The following JADE3 variants were observed in gnomAD, a reference collection of about 807,000 sequenced individuals.
JADE3 encodes protein Jade-3.
Under a neutral mutation model 50.1 loss-of-function variants are expected in JADE3, and 2 were observed. The ratio of observed to expected loss-of-function variants is 0.04; its 90% CI spans 0.02 to 0.13. JADE3 has a LOEUF of 0.13. Among genes scored for constraint, JADE3 ranks in the 10% least tolerant of loss-of-function variants. The probability of loss-of-function intolerance (pLI) is 1.00; values close to 1 mark genes in which losing one functional copy is unlikely to be tolerated. For missense variants in JADE3, 475 were observed against 634.4 expected, an observed-to-expected ratio of 0.75 and a Z score of 2.70; for synonymous variants, 218 against 232.9, an observed-to-expected ratio of 0.94 and a Z score of 0.58.
At chrX:46,971,694 G>A (rs1927498718) in intron 1 of JADE3, among the ~76,000 whole-genome samples, 2 of 108,082 alleles carry the variant, frequency 1.9e-5, no homozygotes, top group South Asian at 4.3e-4. Context: ...TACTTGGGAG[G>A]CTGAGGCAGG....
chrX:46,976,957 T>A (rs1927640242), intron 1 of JADE3, among the ~76,000 whole-genome samples: 1 of 111,992 alleles, frequency 8.9e-6, no homozygotes. Context: ...CTGCTGTGAC[T>A]TTGAGATCTG....
intron 1 of JADE3, among the ~76,000 whole-genome samples, chrX:46,921,078 C>CT (rs1556337650): frequency 9.0e-6 from 1 of 111,006 alleles, no homozygotes; most frequent in African/African-American, 3.3e-5. Flanking sequence ...CCACGTCTGG[C>CT]TTTTTTTGCT....
chrX:47,038,378 A>G (rs782787937), intron 7 of JADE3, among the ~76,000 whole-genome samples: 15 of 111,066 alleles, frequency 1.4e-4, no homozygotes, highest in African/African-American at 3.3e-4. Flanking sequence ...CCTCCAAACT[A>G]TTCTCCATAG....
chrX:47,007,807 TTGTGTGTGTGTGTGTGTGTGTGTGTG>T (rs782728907), intron 4 of JADE3, among the ~76,000 whole-genome samples: 1 of 70,834 alleles, frequency 1.4e-5, no homozygotes, highest in Admixed American at 1.9e-4. Flanking sequence ...TCCTTTTATT[TTGTGTGTGTGTGTGTGTGTGTGTGTG>T]TGTGTGTGTG....
intron 8 of JADE3, among the ~76,000 whole-genome samples, chrX:47,049,925 C>T (rs1394531498): frequency 9.3e-6 from 1 of 107,235 alleles, no homozygotes; most frequent in Non-Finnish European, 1.9e-5. Flanking sequence ...CTGCACCCGG[C>T]ACTCTTCTTC....
intron 1 of JADE3, among the ~76,000 whole-genome samples, chrX:46,974,916 T>C (rs1449028157): frequency 2.7e-5 from 3 of 112,672 alleles, no homozygotes; most frequent in African/African-American, 9.7e-5. Flanking sequence ...CAGATAAGTC[T>C]GCACATTGTA....
At chrX:46,990,369 G>A (rs782805881) in intron 3 of JADE3, among the ~76,000 whole-genome samples, 1 of 112,043 alleles carries the variant, frequency 8.9e-6, no homozygotes, top group South Asian at 3.8e-4. Context: ...TCTACTACCT[G>A]TTGTAGAATT....
At chrX:46,969,616 C>A (rs1927443115) in intron 1 of JADE3, among the ~76,000 whole-genome samples, 1 of 112,240 alleles carries the variant, frequency 8.9e-6, no homozygotes, top group African/African-American at 3.2e-5. Flanking sequence ...GCGGACAGAT[C>A]ACCTGAGGTC....
intron 1 of JADE3, among the ~76,000 whole-genome samples, chrX:46,975,714 C>CTTTTT (rs782578317): frequency 2.5e-4 from 10 of 40,523 alleles, no homozygotes; most frequent in Non-Finnish European, 2.7e-4. Flanking sequence ...TTTTCTTTTT[C>CTTTTT]TTTTTTTTTT....
At chrX:46,981,432 A>G (rs1469484072) in intron 1 of JADE3, among the ~76,000 whole-genome samples, 1 of 111,891 alleles carries the variant, frequency 8.9e-6, no homozygotes, top group Non-Finnish European at 1.9e-5. Flanking sequence ...TTTCTGCTTA[A>G]ATTTCTACAT....
chrX:47,018,267 GGCA>G lies in JADE3; in HGVS notation c.285-6450_285-6448del, dbSNP rs1928717076. On this transcript the variant is annotated intron_variant, in intron 4 of 10. Coordinates refer to ENST00000614628, the MANE Select transcript of JADE3 (RefSeq NM_014735.5). Reference sequence around the variant, plus strand: ...ACACCTCCTTTTTCATCCCATTTTAGGCAGCAGCATTCTATCACTTTTACTTTC... The same window carrying G: ...ACACCTCCTTTTTCATCCCATTTTAGGCAGCATTCTATCACTTTTACTTTC... 4.5e-5 allele frequency among the ~76,000 whole-genome samples: 5 copies of G among 110,309 alleles called. No homozygotes were observed. In the South Asian group the frequency reaches 1.9e-3, roughly 43 times the overall value.
chrX:46,912,621 G>C lies in JADE3; in HGVS notation c.-110G>C, dbSNP rs1172095220. 1 of 110,254 alleles carries C rather than the reference G, an allele frequency of 9.1e-6. No individual in the cohort carries two copies. Among genetic ancestry groups the C allele is most frequent in the Non-Finnish European group, 1.9e-5 (1 of 52,295 alleles). 9.1% of individuals were successfully genotyped at this position (110,254 alleles called of 1,213,427 possible). A position where few individuals can be genotyped will look rare whatever the true frequency, so the allele number is the denominator to read the frequency against. On this transcript the variant is annotated 5_prime_UTR_variant, in exon 1 of 11. Transcript: ENST00000614628. ...CGAGGGAGGGAAGAGAAGAAAGCGA[G>C]CGGTTAGGGGGGCGGTTACCACTCC...
intron 1 of JADE3, among the ~76,000 whole-genome samples, chrX:46,923,455 G>A (rs1257609359): frequency 1.2e-5 from 1 of 80,002 alleles, no homozygotes. Flanking sequence ...CCAAACTGGA[G>A]TACAGTGACA....
At position 46,979,415 on chromosome X, in the gene JADE3, A is replaced by AGAGAG. The variant is rs782262450; in HGVS notation, c.-11-5467_-11-5463dup. ...TTCTGAAACTCTCAGGGAGGTGAGG[A>AGAGAG]GAGAGGGTCCATGGTCAGTTGGCTT... On this transcript the variant is annotated intron_variant, in intron 1 of 10. Coordinates refer to ENST00000614628, the MANE Select transcript of JADE3 (RefSeq NM_014735.5). Among the ~76,000 whole-genome samples the AGAGAG allele has an allele frequency of 4.5e-5, 5 of 111,896 alleles. No individual in the cohort carries two copies. The East Asian group carries it at 8.3e-4, about 19-fold the overall frequency.
rs1926642758 is a variant in JADE3, at chrX:46,937,139, C to A, written c.-12+24420C>A. On this transcript the variant is annotated intron_variant, in intron 1 of 10. Coordinates refer to ENST00000614628, the MANE Select transcript of JADE3 (RefSeq NM_014735.5). ...CAAAATGGGTTATATTTTTGGTTTT[C>A]TTGAGTTCAAAATATTTTATAATTT... 3.6e-5 allele frequency among the ~76,000 whole-genome samples: 4 copies of A among 111,321 alleles called. No homozygotes were observed. The South Asian group carries it at 1.5e-3, about 41-fold the overall frequency.
intron 4 of JADE3, among the ~76,000 whole-genome samples, chrX:47,020,905 A>G (rs1003485126): frequency 1.8e-5 from 2 of 110,545 alleles, no homozygotes; most frequent in Non-Finnish European, 3.8e-5. Context: ...ACTTGAGCCC[A>G]GGAGTTCAAG....
intron 1 of JADE3, among the ~76,000 whole-genome samples, chrX:46,951,122 A>G (rs1926992156): frequency 9.4e-6 from 1 of 106,294 alleles, no homozygotes; most frequent in Non-Finnish European, 1.9e-5. Context: ...TCTGTTGCCC[A>G]GGCTGTAGTG....
chrX:46,955,679 A>C (rs1305952462), intron 1 of JADE3, among the ~76,000 whole-genome samples: 1 of 111,300 alleles, frequency 9.0e-6, no homozygotes, highest in Non-Finnish European at 1.9e-5. Flanking sequence ...GAGAGGTTCC[A>C]GTCCAAGGTT....
chrX:47,001,954 TG>T (rs1335382002), intron 4 of JADE3, among the ~76,000 whole-genome samples: 1 of 111,521 alleles, frequency 9.0e-6, no homozygotes. Flanking sequence ...TCAGATTCTT[TG>T]TTTTTTTACT....
Sources: gnomAD v4.1 joint callset for allele counts (sites outside exome capture counted in the v4.1 genomes callset) on GRCh38, gnomAD v4.1.1 for gene constraint, MANE v1.5 for transcripts, NCBI Gene and HGNC (gene_info 2026-07-23, HGNC 2026-07-21) for gene names.